The following CHCHD3 variants were observed in gnomAD, a reference collection of about 807,000 sequenced individuals.
CHCHD3 encodes coiled-coil-helix-coiled-coil-helix domain containing 3.
Under a neutral mutation model 38.2 loss-of-function variants are expected in CHCHD3, and 20 were observed. That is an observed-to-expected ratio of 0.52 (90% CI 0.37 to 0.76). The LOEUF (loss-of-function observed/expected upper bound fraction) is 0.76. Ranked by LOEUF, CHCHD3 falls within the 30% of genes least tolerant of loss-of-function variation. CHCHD3 has a pLI of 0.00. For missense variants in CHCHD3, 245 were observed against 279.2 expected, an observed-to-expected ratio of 0.88 and a Z score of 0.87; for synonymous variants, 82 against 100.0, an observed-to-expected ratio of 0.82 and a Z score of 1.07.
intron 4 of CHCHD3, among the ~76,000 whole-genome samples, chr7:132,923,049 T>C (rs1173431997): frequency 1.3e-5 from 2 of 152,130 alleles, no homozygotes; most frequent in African/African-American, 2.4e-5. Flanking sequence ...TCACTTAGAA[T>C]AGGAATTCAA....
chr7:132,874,870 T>A (rs534680848), intron 5 of CHCHD3, among the ~76,000 whole-genome samples: 9 of 152,188 alleles, frequency 5.9e-5, no homozygotes, highest in African/African-American at 2.2e-4. Flanking sequence ...GAAAACCCTA[T>A]CCCAGAGCAC....
chr7:132,792,253 C>T (rs181876019), intron 7 of CHCHD3, among the ~76,000 whole-genome samples: 74 of 152,294 alleles, frequency 4.9e-4, no homozygotes, highest in East Asian at 1.5e-3. Flanking sequence ...GGGAGGCTTA[C>T]GGCTGGCTGG....
At chr7:133,040,850 C>T (rs1441454005) in intron 2 of CHCHD3, among the ~76,000 whole-genome samples, 1 of 152,168 alleles carries the variant, frequency 6.6e-6, no homozygotes, top group Non-Finnish European at 1.5e-5. Flanking sequence ...ACCCAGCTAT[C>T]CATAATAAGA....
chr7:133,030,830 A>G (rs1813480533), intron 2 of CHCHD3, among the ~76,000 whole-genome samples: 3 of 152,250 alleles, frequency 2.0e-5, no homozygotes, highest in Non-Finnish European at 4.4e-5. Flanking sequence ...AAAACATGTC[A>G]GAAAAAGCCA....
At chr7:132,933,622 A>T (rs1810567775) in intron 4 of CHCHD3, among the ~76,000 whole-genome samples, 1 of 152,220 alleles carries the variant, frequency 6.6e-6, no homozygotes, top group Non-Finnish European at 1.5e-5. Context: ...GACTTAGCCC[A>T]AACTTGGGTA....
chr7:132,834,409 T>C (rs1807725187), intron 6 of CHCHD3, among the ~76,000 whole-genome samples: 1 of 152,142 alleles, frequency 6.6e-6, no homozygotes, highest in South Asian at 2.1e-4. Context: ...AAACTAGCTA[T>C]TAGAATTTCT....
intron 2 of CHCHD3, among the ~76,000 whole-genome samples, chr7:133,059,666 A>C (rs981340901): frequency 6.6e-6 from 1 of 152,190 alleles, no homozygotes; most frequent in African/African-American, 2.4e-5. Flanking sequence ...TGCCTCTTCC[A>C]AAAGGGCTTC....
chr7:132,793,438 T>G (rs115482016), intron 7 of CHCHD3, among the ~76,000 whole-genome samples: 1 of 152,186 alleles, frequency 6.6e-6, no homozygotes, highest in Non-Finnish European at 1.5e-5. Context: ...TTAGAGCTAT[T>G]TAATATCTCT....
intron 3 of CHCHD3, among the ~76,000 whole-genome samples, chr7:132,981,157 T>G (rs895334682): frequency 1.3e-5 from 2 of 151,218 alleles, no homozygotes; most frequent in Non-Finnish European, 2.9e-5. Context: ...GGCTGATTTT[T>G]GGGTTGTTTT....
chr7:133,035,697 A>G lies in CHCHD3; in HGVS notation c.170-11070T>C. 1.2e-6 allele frequency: 2 copies of G among 1,613,448 alleles called. No homozygotes were observed. Among genetic ancestry groups the G allele is most frequent in the South Asian group, 1.1e-5 (1 of 91,040 alleles). ...CTCCTCATTGCTCACATAGTAGGCAATGGCGTTGCTCTCAAACACACAGAA... is the reference window on the plus strand; with the variant it reads ...CTCCTCATTGCTCACATAGTAGGCAGTGGCGTTGCTCTCAAACACACAGAA... On this transcript the variant is annotated intron_variant, in intron 2 of 7. Coordinates refer to ENST00000262570, the MANE Select transcript of CHCHD3 (RefSeq NM_017812.4). This position sits in a 1 kb window ranked among gnomAD's most constrained non-coding sequence, Gnocchi z 4.7.
intron 6 of CHCHD3, among the ~76,000 whole-genome samples, chr7:132,819,117 G>C (rs754782730): frequency 5.9e-5 from 9 of 152,170 alleles, no homozygotes; most frequent in Non-Finnish European, 8.8e-5. Flanking sequence ...TGGGCAGATC[G>C]ATAAAGAGGA....
At chr7:132,832,752 T>C (rs1807681233) in intron 6 of CHCHD3, among the ~76,000 whole-genome samples, 2 of 152,248 alleles carry the variant, frequency 1.3e-5, no homozygotes, top group Non-Finnish European at 2.9e-5. Flanking sequence ...CTTCTTTCTA[T>C]AGGTGTGGCA....
At chr7:133,057,173 G>C (rs992050841) in intron 2 of CHCHD3, among the ~76,000 whole-genome samples, 1 of 152,212 alleles carries the variant, frequency 6.6e-6, no homozygotes, top group African/African-American at 2.4e-5. Context: ...ATGCTGCAGG[G>C]CTGGGAATAG....
intron 3 of CHCHD3, among the ~76,000 whole-genome samples, chr7:133,008,797 TG>T (rs1812777216): frequency 6.6e-6 from 1 of 152,166 alleles, no homozygotes; most frequent in African/African-American, 2.4e-5. Context: ...TAACATTTTT[TG>T]TGCAGCTTCC....
At chr7:132,886,646 ATATATG>A (rs1480508650) in intron 4 of CHCHD3, among the ~76,000 whole-genome samples, 2 of 151,278 alleles carry the variant, frequency 1.3e-5, no homozygotes, top group Admixed American at 6.6e-5. Context: ...ATATATGTGT[ATATATG>A]TATATATGTG....
intron 4 of CHCHD3, among the ~76,000 whole-genome samples, chr7:132,888,084 GAAAAAAGA>G (rs1809261073): frequency 6.7e-6 from 1 of 149,080 alleles, no homozygotes; most frequent in African/African-American, 2.5e-5. Flanking sequence ...ACTTAAAAAA[GAAAAAAGA>G]AAAAAAGCTA....
At chr7:133,010,721 G>A (rs766298738) in intron 3 of CHCHD3, among the ~76,000 whole-genome samples, 2 of 152,070 alleles carry the variant, frequency 1.3e-5, no homozygotes, top group African/African-American at 4.8e-5. Context: ...TGGGACTACG[G>A]ATGCCTGCCA....
chr7:132,787,856 T>C (rs1806360593), intron 7 of CHCHD3, among the ~76,000 whole-genome samples: 1 of 152,086 alleles, frequency 6.6e-6, no homozygotes, highest in Admixed American at 6.5e-5. Flanking sequence ...AGAAAAACAA[T>C]GATTCTGTCA....
intron 4 of CHCHD3, among the ~76,000 whole-genome samples, chr7:132,910,755 G>A (rs1470386874): frequency 6.6e-6 from 1 of 152,166 alleles, no homozygotes; most frequent in Non-Finnish European, 1.5e-5. Flanking sequence ...CAGAGGCAAG[G>A]ATGTCACTGC....
Sources: allele counts gnomAD v4.1 joint callset (sites outside exome capture counted in the v4.1 genomes callset), GRCh38; gene constraint gnomAD v4.1.1; non-coding constraint Gnocchi (gnomAD v3.1); transcripts MANE v1.5; gene names NCBI Gene and HGNC (gene_info 2026-07-23, HGNC 2026-07-21).